The following MTFP1 variants were observed in gnomAD, a reference collection of about 807,000 sequenced individuals.
MTFP1 encodes the protein mitochondrial fission process 1, also known as mitochondrial fission process protein 1.
MTFP1 carries 19 observed loss-of-function variants against 17.1 expected under a neutral mutation model. The ratio of observed to expected loss-of-function variants is 1.11; its 90% CI spans 0.77 to 1.63. The LOEUF (loss-of-function observed/expected upper bound fraction) is 1.63, where lower values mean the gene tolerates loss of function less well. Among genes scored for constraint, MTFP1 ranks in the 40% most tolerant of loss-of-function variants. The pLI is 0.00. For synonymous variants in MTFP1, 89 were observed against 95.2 expected, an observed-to-expected ratio of 0.93 and a Z score of 0.38; for missense variants, 221 against 226.2, an observed-to-expected ratio of 0.98 and a Z score of 0.15.
chr22:30,427,078 G>A (rs2072159), intron 2 of MTFP1, 93 bp from the exon 3 acceptor site: 381,028 of 1,450,784 alleles, frequency 0.26, 51,355 homozygotes, highest in Middle Eastern at 0.32. Flanking sequence ...CAAGTCCACT[G>A]GCCACTTGCC....
In MTFP1 at chr22:30,428,508, AC is replaced by A; in HGVS notation, c.476del (p.Thr159LysfsTer74). On this transcript the variant is annotated frameshift_variant, in exon 4 of 4. Coordinates refer to ENST00000266263, the MANE Select transcript of MTFP1 (RefSeq NM_016498.5). LOFTEE classifies it high-confidence loss of function. Reference protein sequence around the residue: ...LDSSLRKLYPTVGKPSSS With the variant: ...LDSSLRKLYPXVGKPSSS ...CTCCAGCCTGCGCAAGCTCTACCCA[AC>A]AGTGGGGAAGCCCAGCTCCTCCTGA... 1 of 1,613,980 alleles carries A rather than the reference AC, an allele frequency of 6.2e-7. No individual in the cohort carries two copies. The highest frequency in any genetic ancestry group is 8.5e-7 in the Non-Finnish European group (1 of 1,179,974).
At position 30,428,373 on chromosome 22, in the gene MTFP1, G is replaced by A. The variant is rs923947689; in HGVS notation, c.429-89G>A. 5.4e-6 allele frequency: 6 copies of A among 1,113,500 alleles called. No homozygotes were observed. The African/African-American group carries it at 7.8e-5, about 14-fold the overall frequency. 69.0% of individuals were successfully genotyped at this position (1,113,500 alleles called of 1,614,324 possible). ...GATGGCATTTGTATCCTGCATCTAA[G>A]CGCCCCTTTCCCTAACCCTGGCCTT... On this transcript the variant is annotated intron_variant, in intron 3 of 3. Coordinates refer to ENST00000266263, the MANE Select transcript of MTFP1 (RefSeq NM_016498.5).
rs1156427891 is a variant in MTFP1 at position 30,427,188 on chromosome 22, A to G, written c.213A>G (p.Ala71=). 5 of 1,614,106 alleles carry G rather than the reference A, an allele frequency of 3.1e-6. No individual in the cohort carries two copies. Among genetic ancestry groups the G allele is most frequent in the Middle Eastern group, 1.7e-4 (1 of 6,060 alleles). ...KKAGEVPSPE[A]GRSARVTVAV... Reference sequence around the variant, plus strand: ...CCCACCAGGTGCCCAGCCCTGAAGCAGGCCGCAGCGCCAGGGTGACTGTGG... The same window carrying G: ...CCCACCAGGTGCCCAGCCCTGAAGCGGGCCGCAGCGCCAGGGTGACTGTGG... Residue 71 remains alanine, a synonymous_variant, in exon 3 of 4, where the codon GCA becomes GCG. Coordinates refer to ENST00000266263, the MANE Select transcript of MTFP1 (RefSeq NM_016498.5).
rs1264620694 is a variant in MTFP1 at position 30,428,847 on chromosome 22, C to A, written c.*313C>A. ...CCATGGAGGATGAGAGACTGAGGCTCAGGGAGGGCAAGGAATAGGCCCAAG... is the reference window on the plus strand; with the variant it reads ...CCATGGAGGATGAGAGACTGAGGCTAAGGGAGGGCAAGGAATAGGCCCAAG... On this transcript the variant is annotated 3_prime_UTR_variant, in exon 4 of 4. Coordinates refer to ENST00000266263, the MANE Select transcript of MTFP1 (RefSeq NM_016498.5). 8 of 639,732 alleles carry A rather than the reference C, an allele frequency of 1.3e-5. No individual in the cohort carries two copies. Among genetic ancestry groups the A allele is most frequent in the Non-Finnish European group, 1.9e-5 (7 of 372,696 alleles). 39.6% of individuals were successfully genotyped at this position (639,732 alleles called of 1,614,324 possible).
chr22:30,427,240 G>A lies in MTFP1; in HGVS notation c.265G>A (p.Ala89Thr), dbSNP rs992686950. Reference protein sequence around the residue: ...VAVVDTFVWQALASVAIPGFT... With the variant: ...VAVVDTFVWQTLASVAIPGFT... Reference sequence around the variant, plus strand: ...TGTGGTGGACACCTTTGTATGGCAGGCTCTAGCCTCTGTGGCCATTCCGGG... The same window carrying A: ...TGTGGTGGACACCTTTGTATGGCAGACTCTAGCCTCTGTGGCCATTCCGGG... Residue 89 changes from alanine (A) to threonine (T), a missense_variant, in exon 3 of 4, where the codon GCT becomes ACT. Coordinates refer to ENST00000266263, the MANE Select transcript of MTFP1 (RefSeq NM_016498.5). The A allele has an allele frequency of 9.9e-6, 16 of 1,614,092 alleles. No homozygotes were observed. The highest frequency in any genetic ancestry group is 1.2e-5 in the Non-Finnish European group (14 of 1,180,042).
intron 3 of MTFP1, 65 bp downstream of exon 3, chr22:30,427,468 C>A (rs1465800282): frequency 6.7e-7 from 1 of 1,497,612 alleles, no homozygotes; most frequent in Non-Finnish European, 9.3e-7. Context: ...CATCCAGTCT[C>A]CAGGTAGAGC....
At position 30,428,643 on chromosome 22, in the gene MTFP1, C is replaced by T. The variant is rs762856810; in HGVS notation, c.*109C>T. The stretch of plus-strand genomic sequence containing the variant: ...TCCCTGGTGTCCAAAGACCCTGGCA[C>T]CTGGGTGGGTTTGAGCTGGACAGAA... On this transcript the variant is annotated 3_prime_UTR_variant, in exon 4 of 4. Coordinates refer to ENST00000266263, the MANE Select transcript of MTFP1 (RefSeq NM_016498.5). 52 of 1,614,052 alleles carry T rather than the reference C, an allele frequency of 3.2e-5. 1 individual carries two copies. The South Asian group carries it at 5.3e-4, about 16-fold the overall frequency.
Position 30,428,714 on chromosome 22 carries a change from A to C in MTFP1, c.*180A>C. ...AGAAGCAGTGGCTGCAGGGAGTCACAGAAGGGCAGGACCTGAACGCTGTCT... is the reference window on the plus strand; with the variant it reads ...AGAAGCAGTGGCTGCAGGGAGTCACCGAAGGGCAGGACCTGAACGCTGTCT... On this transcript the variant is annotated 3_prime_UTR_variant, in exon 4 of 4. Transcript: ENST00000266263. 6.3e-7 allele frequency: 1 copy of C among 1,581,964 alleles called. No individual in the cohort carries two copies. The highest frequency in any genetic ancestry group is 8.7e-7 in the Non-Finnish European group (1 of 1,151,524).
chr22:30,427,503 G>A, intron 3 of MTFP1, 100 bp downstream of exon 3: 2 of 1,288,566 alleles, frequency 1.6e-6, no homozygotes, highest in Non-Finnish European at 2.2e-6. Flanking sequence ...TGTGGGGTAT[G>A]CCCACTTTGC....
At position 30,428,732 on chromosome 22, in the gene MTFP1, C is replaced by G. The variant is rs749113554; in HGVS notation, c.*198C>G. On this transcript the variant is annotated 3_prime_UTR_variant, in exon 4 of 4. Coordinates refer to ENST00000266263, the MANE Select transcript of MTFP1 (RefSeq NM_016498.5). ...GAGTCACAGAAGGGCAGGACCTGAACGCTGTCTGCTTCCCTGGAATCCAAG... is the reference window on the plus strand; with the variant it reads ...GAGTCACAGAAGGGCAGGACCTGAAGGCTGTCTGCTTCCCTGGAATCCAAG... 6.6e-7 allele frequency: 1 copy of G among 1,515,184 alleles called. No individual in the cohort carries two copies. Among genetic ancestry groups the G allele is most frequent in the Admixed American group, 1.7e-5 (1 of 58,740 alleles). The allele number at this position is 1,515,184 out of a possible 1,614,324, so 93.9% of individuals were successfully genotyped here.
At chr22:30,427,102 C>T in intron 2 of MTFP1, 69 bp from the exon 3 acceptor site, 1 of 1,546,644 alleles carries the variant, frequency 6.5e-7, no homozygotes, top group Non-Finnish European at 8.9e-7. Flanking sequence ...CCCGGTCTAG[C>T]CTCGTGCCCC....
At chr22:30,426,968 G>A in intron 2 of MTFP1, 124 bp downstream of exon 2, 2 of 1,501,158 alleles carry the variant, frequency 1.3e-6, no homozygotes, top group Non-Finnish European at 1.8e-6. Context: ...GCCTAGTGCA[G>A]TCCATAGACA....
rs557322023 is a variant in MTFP1, at chr22:30,428,375, G to A, written c.429-87G>A. The A allele has an allele frequency of 1.4e-3, 1,610 of 1,133,856 alleles. 38 individuals are homozygous for A. The South Asian group carries it at 0.021, about 15-fold the overall frequency. The allele number at this position is 1,133,856 out of a possible 1,614,324, so 70.2% of individuals were successfully genotyped here. A position where few individuals can be genotyped will look rare whatever the true frequency, so the allele number is the denominator to read the frequency against. On this transcript the variant is annotated intron_variant, in intron 3 of 3. Coordinates refer to ENST00000266263, the MANE Select transcript of MTFP1 (RefSeq NM_016498.5). ...TGGCATTTGTATCCTGCATCTAAGC[G>A]CCCCTTTCCCTAACCCTGGCCTTCT... is the stretch of plus-strand genomic sequence containing the variant.
chr22:30,425,787 G>A lies in MTFP1; in HGVS notation c.-93G>A. 6.8e-6 allele frequency: 9 copies of A among 1,314,324 alleles called. No individual in the cohort carries two copies. Among genetic ancestry groups the A allele is most frequent in the Non-Finnish European group, 8.1e-6 (8 of 991,946 alleles). 81.4% of individuals were successfully genotyped at this position (1,314,324 alleles called of 1,614,324 possible). A position where few individuals can be genotyped will look rare whatever the true frequency, so the allele number is the denominator to read the frequency against. ...CCTGTCCTTCGGCGCGGGACTTTCGGCGGGTCCCGGCCGGGCAGACCCAAG... is the reference window on the plus strand; with the variant it reads ...CCTGTCCTTCGGCGCGGGACTTTCGACGGGTCCCGGCCGGGCAGACCCAAG... On this transcript the variant is annotated 5_prime_UTR_variant, in exon 1 of 4. Transcript: ENST00000266263.
At chr22:30,427,795 C>A in intron 3 of MTFP1, among the ~76,000 whole-genome samples, 1 of 152,128 alleles carries the variant, frequency 6.6e-6, no homozygotes, top group East Asian at 1.9e-4. Context: ...GAGTAAAAGT[C>A]CAGGGCTGTG....
rs1303965294 is a variant in MTFP1 at position 30,428,466 on chromosome 22, G to C, written c.433G>C (p.Val145Leu). 1.2e-6 allele frequency: 2 copies of C among 1,613,974 alleles called. No individual in the cohort carries two copies. The highest frequency in any genetic ancestry group is 1.7e-6 in the Non-Finnish European group (2 of 1,180,012). The change falls in exon 4 of 4, where the codon GTG becomes CTG. Residue 145 changes from valine (V) to leucine (L), a missense_variant. Val to Leu is a conservative substitution (Grantham distance 32). Coordinates refer to ENST00000266263, the MANE Select transcript of MTFP1 (RefSeq NM_016498.5). ...CCACCCTTCCACTCCCTACAGGTCG[G>C]TGGATTTCCTCCTGGACTCCAGCCT... ...PIIIHPIDRS[V>L]DFLLDSSLRK...
intron 1 of MTFP1, 71 bp downstream of exon 1, chr22:30,426,017 C>T: frequency 7.4e-7 from 1 of 1,347,208 alleles, no homozygotes; most frequent in Non-Finnish European, 9.8e-7. Flanking sequence ...GCCGGACGCC[C>T]GCCCGGGGCC....
Position 30,428,512 on chromosome 22 carries a change from T to A in MTFP1, c.479T>A (p.Val160Glu). The stretch of plus-strand genomic sequence containing the variant: ...AGCCTGCGCAAGCTCTACCCAACAG[T>A]GGGGAAGCCCAGCTCCTCCTGATCA... ...DSSLRKLYPTVGKPSSS is the reference protein window; with the variant it reads ...DSSLRKLYPTEGKPSSS Residue 160 changes from valine to glutamate, a missense_variant, in exon 4 of 4, where the codon GTG becomes GAG. Coordinates refer to ENST00000266263, the MANE Select transcript of MTFP1 (RefSeq NM_016498.5). 6.2e-7 allele frequency: 1 copy of A among 1,614,112 alleles called. No homozygotes were observed. Among genetic ancestry groups the A allele is most frequent in the Non-Finnish European group, 8.5e-7 (1 of 1,180,008 alleles).
rs1476230187 is a variant in MTFP1, at chr22:30,427,408, G to A, written c.428+5G>A. ...CATTATCCACCCCATTGACAGGTGG[G>A]TACCTTCTTGGCCTCAGGGATCATC... On this transcript the variant is annotated splice_donor_5th_base_variant and intron_variant, in intron 3 of 3. Transcript: ENST00000266263. The A allele has an allele frequency of 6.2e-7, 1 of 1,611,880 alleles. No individual in the cohort carries two copies. Among genetic ancestry groups the A allele is most frequent in the South Asian group, 1.1e-5 (1 of 91,026 alleles).
Sources: allele counts gnomAD v4.1 joint callset (sites outside exome capture counted in the v4.1 genomes callset), GRCh38; gene constraint gnomAD v4.1.1; transcripts MANE v1.5; gene names NCBI Gene and HGNC (gene_info 2026-07-23, HGNC 2026-07-21).